The following GFRA2 variants were observed in gnomAD, a reference collection of about 807,000 sequenced individuals.
GFRA2 encodes GDNF family receptor alpha-2.
Under a neutral mutation model 48.3 loss-of-function variants are expected in GFRA2, and 17 were observed. The ratio of observed to expected loss-of-function variants is 0.35; its 90% confidence interval spans 0.24 to 0.53. The LOEUF (loss-of-function observed/expected upper bound fraction) is 0.53, where lower values mean the gene tolerates loss of function less well. Ranked by LOEUF, GFRA2 falls within the 20% of genes least tolerant of loss-of-function variation. The pLI, the probability that GFRA2 is intolerant of heterozygous loss-of-function variation, is 0.93. For missense variants in GFRA2, 660 were observed against 637.3 expected (o/e 1.04, Z -0.38); for synonymous variants, 305 against 257.2 (o/e 1.19, Z -1.78).
At chr8:21,759,161 C>T (rs777222113) in intron 3 of GFRA2, among the ~76,000 whole-genome samples, 15 of 151,926 alleles carry the variant, frequency 9.9e-5, no homozygotes, top group African/African-American at 2.7e-4. Context: ...GAGGCTGAGG[C>T]GGGCAGATCA....
chr8:21,728,913 GA>G (rs1563232195), intron 4 of GFRA2, among the ~76,000 whole-genome samples: 1 of 152,224 alleles, frequency 6.6e-6, no homozygotes, highest in Non-Finnish European at 1.5e-5. Context: ...CTACTGGATG[GA>G]GGGGGTAGTT....
At chr8:21,809,774 TG>T (rs1748002090) in intron 1 of GFRA2, among the ~76,000 whole-genome samples, 1 of 152,206 alleles carries the variant, frequency 6.6e-6, no homozygotes, top group African/African-American at 2.4e-5. Flanking sequence ...GTTTGGTCTT[TG>T]AAAAACAGCC....
chr8:21,724,931 C>T (rs1396184672), intron 4 of GFRA2, among the ~76,000 whole-genome samples: 2 of 152,174 alleles, frequency 1.3e-5, no homozygotes, highest in East Asian at 1.9e-4. Flanking sequence ...AATGGGGACC[C>T]GTCCTCTAGT....
At chr8:21,785,269 C>A (rs1355619218) in intron 1 of GFRA2, among the ~76,000 whole-genome samples, 1 of 152,200 alleles carries the variant, frequency 6.6e-6, no homozygotes, top group Admixed American at 6.5e-5. Context: ...GGCTCCCGTG[C>A]CAGAACTGAG....
chr8:21,785,102 T>A lies in GFRA2; in HGVS notation c.41-2203A>T, dbSNP rs866962054. 7.0e-3 allele frequency among the ~76,000 whole-genome samples: 1,073 copies of A among 152,332 alleles called. 11 individuals are homozygous for A. Among genetic ancestry groups the A allele is most frequent in the African/African-American group, 0.024 (1,017 of 41,566 alleles). ...TGTCATGGGGGCCTGGAAATGGAACTTCCTGGCTTCCTTAGCCTTCTGTAG... is the reference window on the plus strand; with the variant it reads ...TGTCATGGGGGCCTGGAAATGGAACATCCTGGCTTCCTTAGCCTTCTGTAG... On this transcript the variant is annotated intron_variant, in intron 1 of 8. Transcript: ENST00000524240.
At chr8:21,701,991 T>C (rs1802503421) in intron 7 of GFRA2, among the ~76,000 whole-genome samples, 1 of 152,004 alleles carries the variant, frequency 6.6e-6, no homozygotes, top group Admixed American at 6.5e-5. Flanking sequence ...TCCAAGAGGC[T>C]CAGGATGAAG....
intron 4 of GFRA2, among the ~76,000 whole-genome samples, chr8:21,713,519 A>G (rs972227435): frequency 6.6e-6 from 1 of 152,042 alleles, no homozygotes; most frequent in African/African-American, 2.4e-5. Context: ...TGATGAATAC[A>G]TAAGCCTCCA....
intron 1 of GFRA2, among the ~76,000 whole-genome samples, chr8:21,808,239 G>A (rs985807547): frequency 3.9e-5 from 6 of 152,166 alleles, no homozygotes; most frequent in African/African-American, 1.4e-4. Context: ...CTCCATGGTG[G>A]AATATTTAAG....
intron 7 of GFRA2, among the ~76,000 whole-genome samples, chr8:21,696,182 C>T (rs1016696420): frequency 7.7e-6 from 1 of 129,136 alleles, no homozygotes; most frequent in East Asian, 2.5e-4. Flanking sequence ...TTCTCCCCTC[C>T]CCTCTCCCTC....
At chr8:21,705,163 C>G in intron 5 of GFRA2, 38 bp from the exon 6 acceptor site, 1 of 1,580,694 alleles carries the variant, frequency 6.3e-7, no homozygotes, top group Non-Finnish European at 8.6e-7. Context: ...GAGAGAGGTA[C>G]GGTGGGGCCT....
chr8:21,760,832 G>A (rs1489453409), intron 3 of GFRA2, among the ~76,000 whole-genome samples: 2 of 152,150 alleles, frequency 1.3e-5, no homozygotes, highest in African/African-American at 4.8e-5. Context: ...AGGCCAGAAA[G>A]GAGAGGACCT....
At chr8:21,794,705 A>G (rs2117105697) in intron 2 of GFRA2, among the ~76,000 whole-genome samples, 1 of 152,190 alleles carries the variant, frequency 6.6e-6, no homozygotes, top group South Asian at 2.1e-4. Flanking sequence ...GTCATGCATG[A>G]GCTTTTCCAG....
chr8:21,754,919 A>G (rs1805495357), intron 3 of GFRA2, among the ~76,000 whole-genome samples: 1 of 152,172 alleles, frequency 6.6e-6, no homozygotes, highest in South Asian at 2.1e-4. Context: ...TGATAAAAGG[A>G]AATGAGCTAT....
At chr8:21,694,928 GA>G (rs1349157779) in intron 7 of GFRA2, among the ~76,000 whole-genome samples, 1 of 152,226 alleles carries the variant, frequency 6.6e-6, no homozygotes, top group Non-Finnish European at 1.5e-5. Flanking sequence ...ATGAATGAAT[GA>G]ATGTCACAGA....
At chr8:21,711,480 C>T (rs900280248) in intron 4 of GFRA2, among the ~76,000 whole-genome samples, 2 of 152,144 alleles carry the variant, frequency 1.3e-5, no homozygotes, top group African/African-American at 4.8e-5. Flanking sequence ...GGGCGTGTTT[C>T]CTTGGCAGCT....
At chr8:21,725,480 C>T (rs1041807031) in intron 4 of GFRA2, among the ~76,000 whole-genome samples, 19 of 152,202 alleles carry the variant, frequency 1.2e-4, no homozygotes, top group Non-Finnish European at 2.5e-4. Context: ...CTTTAGAAAC[C>T]TGTATTTTTA....
chr8:21,803,863 C>T (rs75524288), intron 2 of GFRA2, among the ~76,000 whole-genome samples: 5,275 of 152,134 alleles, frequency 0.035, 176 homozygotes, highest in African/African-American at 0.088. Context: ...AAACTCCCAG[C>T]GACCCAAAGC....
Position 21,731,897 on chromosome 8 carries a change from T to C in GFRA2, c.794+18691A>G, listed in dbSNP as rs114255105. Reference sequence around the variant, plus strand: ...CAGTTCTATGTAAGTCAGTAGCACCTGAAGGCATGGCGTACACCATCTGTG... The same window carrying C: ...CAGTTCTATGTAAGTCAGTAGCACCCGAAGGCATGGCGTACACCATCTGTG... On this transcript the variant is annotated intron_variant, in intron 4 of 8. Transcript: ENST00000524240. Among the ~76,000 whole-genome samples the C allele has an allele frequency of 7.1e-3, 1,087 of 152,310 alleles. 13 individuals carry two copies. The highest frequency in any genetic ancestry group is 0.025 in the African/African-American group (1,029 of 41,576).
At chr8:21,807,916 A>C (rs1428005766) in intron 1 of GFRA2, among the ~76,000 whole-genome samples, 1 of 152,214 alleles carries the variant, frequency 6.6e-6, no homozygotes, top group Non-Finnish European at 1.5e-5. Flanking sequence ...CTCTGATAAG[A>C]AAAATTACTA....
Sources: gnomAD v4.1 joint callset for allele counts (sites outside exome capture counted in the v4.1 genomes callset) on GRCh38, gnomAD v4.1.1 for gene constraint, MANE v1.5 for transcripts, NCBI Gene and HGNC (gene_info 2026-07-23, HGNC 2026-07-21) for gene names.